The following SLC25A13 variants were observed in gnomAD, a reference collection of about 807,000 sequenced individuals.
The protein encoded by SLC25A13 is solute carrier family 25 member 13, also known as electrogenic aspartate/glutamate antiporter SLC25A13, mitochondrial.
SLC25A13 carries 70 observed loss-of-function variants against 85.5 expected under a neutral mutation model. The ratio of observed to expected loss-of-function variants is 0.82; its 90% CI spans 0.68 to 1.00. The LOEUF is 1.00. SLC25A13 is among the 50% of genes least tolerant of loss of function. The pLI, the probability that SLC25A13 is intolerant of heterozygous loss-of-function variation, is 0.00. For synonymous variants in SLC25A13, 259 were observed against 288.7 expected, an observed-to-expected ratio of 0.90 and a Z score of 1.04; for missense variants, 765 against 819.8, an observed-to-expected ratio of 0.93 and a Z score of 0.82.
At chr7:96,217,750 T>C (rs991494033) in intron 4 of SLC25A13, among the ~76,000 whole-genome samples, 5 of 152,070 alleles carry the variant, frequency 3.3e-5, no homozygotes, top group Non-Finnish European at 7.4e-5. Flanking sequence ...GGAGTGGTGA[T>C]TGCTAAGGTG....
intron 3 of SLC25A13, among the ~76,000 whole-genome samples, chr7:96,270,420 G>A (rs1415435532): frequency 6.6e-6 from 1 of 152,054 alleles, no homozygotes; most frequent in Non-Finnish European, 1.5e-5. Context: ...GTAGGGCACG[G>A]TGGCGGACCC....
intron 3 of SLC25A13, among the ~76,000 whole-genome samples, chr7:96,258,928 G>T (rs567347628): frequency 6.6e-6 from 1 of 152,144 alleles, no homozygotes; most frequent in Non-Finnish European, 1.5e-5. Context: ...ACAACCATCT[G>T]ATCTTTGACA....
rs1172380150 is a variant in SLC25A13, at chr7:96,131,743, C to T, written c.1591G>A (p.Gly531Ser). ...AGAGAACTCCATGGGGGACACTCAC[C>T]AGCTATGGCACCAGCTAAGAGCAGG... ...GSLLLAGAIA[G>S]MPAASLVTPA... Residue 531 changes from glycine to serine, a missense_variant and splice_region_variant, in exon 15 of 18, where the codon GGT becomes AGT. Coordinates refer to ENST00000265631, the MANE Select transcript of SLC25A13 (RefSeq NM_014251.3). 1.9e-6 allele frequency: 3 copies of T among 1,613,970 alleles called. No individual in the cohort carries two copies. The highest frequency in any genetic ancestry group is 2.5e-6 in the Non-Finnish European group (3 of 1,179,952).
At chr7:96,166,617 CACTT>C (rs1793757061) in intron 13 of SLC25A13, among the ~76,000 whole-genome samples, 1 of 152,058 alleles carries the variant, frequency 6.6e-6, no homozygotes, top group African/African-American at 2.4e-5. Context: ...AAAAGTCATA[CACTT>C]ACTTTGTTGA....
At chr7:96,321,506 G>T (rs1800339563) in intron 1 of SLC25A13, among the ~76,000 whole-genome samples, 1 of 152,114 alleles carries the variant, frequency 6.6e-6, no homozygotes, top group South Asian at 2.1e-4. Context: ...ATAGGATCAG[G>T]CTTCAGCCCG....
At chr7:96,273,319 A>C (rs1053491897) in intron 3 of SLC25A13, among the ~76,000 whole-genome samples, 1 of 152,060 alleles carries the variant, frequency 6.6e-6, no homozygotes, top group African/African-American at 2.4e-5. Context: ...CAATCAAAAA[A>C]CAAAAAAAGA....
chr7:96,319,416 C>A (rs1800251725), intron 1 of SLC25A13, among the ~76,000 whole-genome samples: 1 of 151,834 alleles, frequency 6.6e-6, no homozygotes, highest in Non-Finnish European at 1.5e-5. Flanking sequence ...GTGGCACGTG[C>A]CTGTAGTCCC....
At chr7:96,123,340 A>G (rs1791593962) in intron 15 of SLC25A13, among the ~76,000 whole-genome samples, 1 of 152,206 alleles carries the variant, frequency 6.6e-6, no homozygotes, top group African/African-American at 2.4e-5. Flanking sequence ...ATTTTGTTTT[A>G]CTTCCTGGTT....
At chr7:96,283,779 C>G (rs1260522109) in intron 2 of SLC25A13, 1 of 148,868 alleles carries the variant, frequency 6.7e-6, no homozygotes, top group Non-Finnish European at 1.3e-5. Flanking sequence ...GCTTGCATTG[C>G]TGGAAGCTAT....
At chr7:96,138,817 A>G (rs550714570) in intron 14 of SLC25A13, among the ~76,000 whole-genome samples, 1 of 152,312 alleles carries the variant, frequency 6.6e-6, no homozygotes, top group Admixed American at 6.5e-5. Context: ...TGTTACTTTA[A>G]GGAATCCTTT....
chr7:96,156,293 T>A (rs990277956), intron 13 of SLC25A13, among the ~76,000 whole-genome samples: 5 of 152,062 alleles, frequency 3.3e-5, no homozygotes, highest in African/African-American at 1.2e-4. Flanking sequence ...TTGAGAAATA[T>A]TTTATTTATT....
chr7:96,175,942 T>A (rs1794202497), intron 11 of SLC25A13, among the ~76,000 whole-genome samples: 1 of 152,196 alleles, frequency 6.6e-6, no homozygotes, highest in East Asian at 1.9e-4. Flanking sequence ...TAAGAACCAT[T>A]CTTGTAGTGA....
chr7:96,168,496 C>T (rs893810775), intron 13 of SLC25A13, among the ~76,000 whole-genome samples: 2 of 152,074 alleles, frequency 1.3e-5, no homozygotes, highest in South Asian at 2.1e-4. Flanking sequence ...TTGAAATGGG[C>T]GGCCGCATAT....
intron 5 of SLC25A13, among the ~76,000 whole-genome samples, chr7:96,193,519 G>A (rs1365496693): frequency 6.6e-6 from 1 of 152,210 alleles, no homozygotes; most frequent in Non-Finnish European, 1.5e-5. Context: ...CCCCAGCTTA[G>A]GTGATGCAGA....
At chr7:96,202,376 T>G (rs1377948910) in intron 5 of SLC25A13, among the ~76,000 whole-genome samples, 3 of 152,204 alleles carry the variant, frequency 2.0e-5, no homozygotes, top group Admixed American at 2.0e-4. Context: ...CAAGCCCTTG[T>G]GATTAGAGCT....
intron 3 of SLC25A13, among the ~76,000 whole-genome samples, chr7:96,260,111 G>A (rs1245593390): frequency 1.3e-5 from 2 of 151,900 alleles, no homozygotes; most frequent in Non-Finnish European, 2.9e-5. Context: ...GTAGATGCTG[G>A]GTTGATGGGT....
At position 96,120,308 on chromosome 7, in the gene SLC25A13, G is replaced by C. The variant is rs747397637; in HGVS notation, c.*883C>G. 1 of 453,916 alleles carries C rather than the reference G, an allele frequency of 2.2e-6. No individual in the cohort carries two copies. The highest frequency in any genetic ancestry group is 4.4e-6 in the Non-Finnish European group (1 of 226,762). The allele number at this position is 453,916 out of a possible 1,614,324, so 28.1% of individuals were successfully genotyped here. ...CAACATGAATTAAATACTTATGTCA[G>C]AACATATTTGTCTTACATTATTCAA... On this transcript the variant is annotated 3_prime_UTR_variant, in exon 18 of 18. Coordinates refer to ENST00000265631, the MANE Select transcript of SLC25A13 (RefSeq NM_014251.3).
intron 14 of SLC25A13, among the ~76,000 whole-genome samples, chr7:96,136,766 C>T (rs772849866): frequency 2.6e-5 from 4 of 152,110 alleles, no homozygotes; most frequent in Admixed American, 1.3e-4. Flanking sequence ...ACCTCTGTGT[C>T]GGGCCGGGCA....
intron 13 of SLC25A13, among the ~76,000 whole-genome samples, chr7:96,168,673 A>G (rs931932742): frequency 6.6e-6 from 1 of 152,162 alleles, no homozygotes; most frequent in Non-Finnish European, 1.5e-5. Flanking sequence ...TCACATAATT[A>G]ATTTTACATT....
Sources: gnomAD v4.1 joint callset for allele counts (sites outside exome capture counted in the v4.1 genomes callset) on GRCh38, gnomAD v4.1.1 for gene constraint, MANE v1.5 for transcripts, NCBI Gene and HGNC (gene_info 2026-07-23, HGNC 2026-07-21) for gene names.